The following AGBL4 variants were observed in gnomAD, a reference collection of about 807,000 sequenced individuals.
AGBL4 encodes cytosolic carboxypeptidase 6.
Under a neutral mutation model 66.4 loss-of-function variants are expected in AGBL4, and 58 were observed. That is an observed-to-expected ratio of 0.87 (90% CI 0.71 to 1.09). The LOEUF (loss-of-function observed/expected upper bound fraction) is 1.09, where lower values mean the gene tolerates loss of function less well. Among genes scored for constraint, AGBL4 ranks in the 50% least tolerant of loss-of-function variants. The pLI is 0.00. For missense variants in AGBL4, 579 were observed against 631.0 expected (o/e 0.92, Z 0.88); for synonymous variants, 234 against 222.9 (o/e 1.05, Z -0.44).
At chr1:49,277,516 T>C (rs1402381339) in intron 3 of AGBL4, among the ~76,000 whole-genome samples, 1 of 152,204 alleles carries the variant, frequency 6.6e-6, no homozygotes, top group Non-Finnish European at 1.5e-5. Flanking sequence ...TTGCAAACTT[T>C]AGTATGTTAT....
At chr1:49,932,124 A>G (rs747074854) in intron 1 of AGBL4, among the ~76,000 whole-genome samples, 3 of 152,230 alleles carry the variant, frequency 2.0e-5, no homozygotes, top group Non-Finnish European at 4.4e-5. Context: ...CAAATAAGGG[A>G]TATTGAAACT....
intron 2 of AGBL4, chr1:49,844,580 C>T (rs1451292027): frequency 2.7e-6 from 3 of 1,101,628 alleles, no homozygotes; most frequent in Non-Finnish European, 3.8e-6. Flanking sequence ...GCCACTTGCA[C>T]CTTGAACATT....
At chr1:49,330,541 C>A (rs1167559442) in intron 3 of AGBL4, among the ~76,000 whole-genome samples, 1 of 152,126 alleles carries the variant, frequency 6.6e-6, no homozygotes, top group Non-Finnish European at 1.5e-5. Flanking sequence ...TGCTATTTAG[C>A]ATTTCTATAG....
chr1:48,969,009 T>C (rs1281884096), intron 5 of AGBL4, among the ~76,000 whole-genome samples: 9 of 152,164 alleles, frequency 5.9e-5, no homozygotes, highest in Admixed American at 3.3e-4. Flanking sequence ...TTGTTGGTTT[T>C]CCAGAAAATA....
At chr1:49,341,235 T>C (rs1287340177) in intron 3 of AGBL4, among the ~76,000 whole-genome samples, 3 of 152,196 alleles carry the variant, frequency 2.0e-5, no homozygotes, top group Non-Finnish European at 4.4e-5. Context: ...CAGGACCTCT[T>C]TCCAGTAACA....
chr1:49,046,744 G>C (rs1644089861), intron 4 of AGBL4, among the ~76,000 whole-genome samples: 1 of 152,186 alleles, frequency 6.6e-6, no homozygotes, highest in East Asian at 1.9e-4. Flanking sequence ...ACAATTCCAG[G>C]CCAGTTCAGC....
chr1:49,656,608 T>C (rs1056949119), intron 3 of AGBL4, among the ~76,000 whole-genome samples: 7 of 152,144 alleles, frequency 4.6e-5, no homozygotes, highest in South Asian at 2.1e-4. Context: ...AAATCCTCAA[T>C]AAAATACTGG....
chr1:49,027,345 T>C (rs560401052), intron 5 of AGBL4, among the ~76,000 whole-genome samples: 1 of 152,126 alleles, frequency 6.6e-6, no homozygotes, highest in Non-Finnish European at 1.5e-5. Flanking sequence ...GTATTATTAG[T>C]AGAGACGGAG....
intron 3 of AGBL4, among the ~76,000 whole-genome samples, chr1:49,667,803 T>C (rs1389924383): frequency 2.6e-5 from 4 of 152,152 alleles, no homozygotes; most frequent in African/African-American, 9.7e-5. Flanking sequence ...AGTTTTAATA[T>C]CAGTGAGATT....
intron 1 of AGBL4, among the ~76,000 whole-genome samples, chr1:49,908,579 A>G (rs997932225): frequency 6.6e-6 from 1 of 151,976 alleles, no homozygotes; most frequent in Non-Finnish European, 1.5e-5. Context: ...AGCCAATTAA[A>G]CCTTTTTTCT....
intron 3 of AGBL4, among the ~76,000 whole-genome samples, chr1:49,607,413 T>G (rs1243531304): frequency 6.6e-6 from 1 of 152,178 alleles, no homozygotes; most frequent in East Asian, 1.9e-4. Flanking sequence ...AGATAGTTAG[T>G]TCAGCACAGA....
intron 3 of AGBL4, among the ~76,000 whole-genome samples, chr1:49,510,818 C>A (rs1409868750): frequency 6.7e-5 from 10 of 150,300 alleles, no homozygotes; most frequent in African/African-American, 2.4e-4. Flanking sequence ...CCAGTTTTCC[C>A]AGCACCATTT....
intron 2 of AGBL4, among the ~76,000 whole-genome samples, chr1:49,762,009 G>T (rs564164101): frequency 6.6e-6 from 1 of 152,016 alleles, no homozygotes; most frequent in African/African-American, 2.4e-5. Context: ...CCCACACCTT[G>T]GTTATTGTAA....
intron 2 of AGBL4, among the ~76,000 whole-genome samples, chr1:49,836,977 G>A (rs1645867244): frequency 6.6e-6 from 1 of 152,172 alleles, no homozygotes; most frequent in Non-Finnish European, 1.5e-5. Flanking sequence ...GCACCTGCCA[G>A]ATGCCAAACG....
chr1:49,765,058 C>T (rs928463289), intron 2 of AGBL4, among the ~76,000 whole-genome samples: 1 of 152,150 alleles, frequency 6.6e-6, no homozygotes, highest in Non-Finnish European at 1.5e-5. Flanking sequence ...CTTCTCAGGA[C>T]TAGTGCCTGT....
chr1:48,777,737 C>T (rs1278428638), intron 6 of AGBL4, among the ~76,000 whole-genome samples: 1 of 152,106 alleles, frequency 6.6e-6, no homozygotes, highest in African/African-American at 2.4e-5. Context: ...ATTGAGATAC[C>T]CTCTCCACAG....
chr1:49,459,124 A>C (rs1646455084), intron 3 of AGBL4, among the ~76,000 whole-genome samples: 1 of 151,270 alleles, frequency 6.6e-6, no homozygotes, highest in African/African-American at 2.4e-5. Flanking sequence ...TCATAGAATG[A>C]TTTAAGAAGC....
intron 5 of AGBL4, among the ~76,000 whole-genome samples, chr1:48,965,053 A>G (rs987351363): frequency 4.6e-5 from 7 of 152,104 alleles, no homozygotes; most frequent in African/African-American, 1.7e-4. Flanking sequence ...CTTCCTTGGT[A>G]CTTACTTTTT....
intron 3 of AGBL4, among the ~76,000 whole-genome samples, chr1:49,612,686 C>T (rs1436847343): frequency 6.6e-6 from 1 of 152,206 alleles, no homozygotes; most frequent in Non-Finnish European, 1.5e-5. Flanking sequence ...GATACCATCT[C>T]ACACCTGTCA....
Sources: gnomAD v4.1 joint callset for allele counts (sites outside exome capture counted in the v4.1 genomes callset) on GRCh38, gnomAD v4.1.1 for gene constraint, MANE v1.5 for transcripts, NCBI Gene and HGNC (gene_info 2026-07-23, HGNC 2026-07-21) for gene names.